HEATR1: variants seen among roughly 807,000 people sequenced by gnomAD.
HEATR1 encodes the protein HEAT repeat containing 1, also known as HEAT repeat-containing protein 1.
Under a neutral mutation model 248.2 loss-of-function variants are expected in HEATR1, and 77 were observed. That is an observed-to-expected ratio of 0.31 (90% CI 0.26 to 0.37). The LOEUF (loss-of-function observed/expected upper bound fraction) is 0.37. HEATR1 is among the 10% of genes least tolerant of loss of function. The probability of loss-of-function intolerance (pLI) is 1.00; values close to 1 mark genes in which losing one functional copy is unlikely to be tolerated. For synonymous variants in HEATR1, 897 were observed against 923.1 expected (o/e 0.97, Z 0.51); for missense variants, 2,420 against 2,504.9 (o/e 0.97, Z 0.72).
At position 236,574,327 on chromosome 1, in the gene HEATR1, T is replaced by G. The variant is rs1040417521; in HGVS notation, c.3334A>C (p.Lys1112Gln). The change falls in exon 24 of 45, where the codon AAA (lysine) becomes CAA (glutamine). Residue 1112 changes from lysine to glutamine, a missense_variant. By Grantham distance (53) the Lys-to-Gln change is moderately conservative (BLOSUM62 1). Transcript: ENST00000366582. ...TCTGATATGGCTGCAAAAAATGGTT[T>G]TGTAATCTAGAGGGGGTAGAAAAAA... The part of the protein sequence containing the change: ...IQITALEKIT[K>Q]PFFAAISDEK... 2 of 1,609,048 alleles carry G rather than the reference T, an allele frequency of 1.2e-6. No homozygotes were observed. The highest frequency in any genetic ancestry group is 1.7e-6 in the Non-Finnish European group (2 of 1,178,588).
chr1:236,575,642 C>A (rs1308170731), intron 22 of HEATR1, among the ~76,000 whole-genome samples: 1 of 152,204 alleles, frequency 6.6e-6, no homozygotes, highest in Non-Finnish European at 1.5e-5. Flanking sequence ...TTTTAGTTCT[C>A]TAAGCCCACA....
intron 12 of HEATR1, among the ~76,000 whole-genome samples, chr1:236,589,601 A>G (rs1000855186): frequency 1.3e-5 from 2 of 152,214 alleles, no homozygotes; most frequent in Non-Finnish European, 2.9e-5. Context: ...GCTGAAATTA[A>G]ATTTTACTGA....
chr1:236,603,397 G>C, intron 2 of HEATR1, 21 bp from the exon 3 acceptor site: 1 of 1,596,816 alleles, frequency 6.3e-7, no homozygotes, highest in South Asian at 1.1e-5. Flanking sequence ...AAAAAGGCCA[G>C]TTTATTTAAC....
chr1:236,595,665 G>A lies in HEATR1; in HGVS notation c.965C>T (p.Pro322Leu). The change falls in exon 8 of 45, where the codon CCT (proline) becomes CTT (leucine). Residue 322 changes from proline (P) to leucine (L), a missense_variant. Physicochemically the swap from Pro to Leu is moderately conservative, Grantham distance 98. Transcript: ENST00000366582. ...AAGATCAGGAACATTACATAAGTGA[G>A]GGAATGGCCTTTGAAGAAGCAAAAG... ...KPESLGKKPF[P>L]HLCNVPDLIT... 1 of 1,611,178 alleles carries A rather than the reference G, an allele frequency of 6.2e-7. No homozygotes were observed. Among genetic ancestry groups the A allele is most frequent in the Non-Finnish European group, 8.5e-7 (1 of 1,178,436 alleles).
intron 19 of HEATR1, among the ~76,000 whole-genome samples, chr1:236,581,939 T>C (rs1663760371): frequency 6.6e-6 from 1 of 152,180 alleles, no homozygotes; most frequent in South Asian, 2.1e-4. Flanking sequence ...GCCTAACATA[T>C]TAGTAGGAGT....
rs768056149 is a variant in HEATR1, at chr1:236,588,070, T to C, written c.1531-27A>G. On this transcript the variant is annotated intron_variant, in intron 12 of 44. Transcript: ENST00000366582. ...TGAGCAATAAAAGAAAAACATTAAT[T>C]TAGCTGTTGCCAAAAATCTCTTAAG... is the stretch of plus-strand genomic sequence containing the variant. 5 of 1,563,290 alleles carry C rather than the reference T, an allele frequency of 3.2e-6. No homozygotes were observed. In the African/African-American group the frequency reaches 5.5e-5, roughly 17 times the overall value.
intron 8 of HEATR1, among the ~76,000 whole-genome samples, 183 bp downstream of exon 8, chr1:236,595,354 AATG>A (rs1349078332): frequency 3.3e-5 from 5 of 152,332 alleles, no homozygotes; most frequent in South Asian, 2.1e-4. Context: ...CTCAATTAAC[AATG>A]ATCTTTCTTC....
rs573895258 is a variant in HEATR1, at chr1:236,557,635, A to C, written c.5205-290T>G. On this transcript the variant is annotated intron_variant, in intron 36 of 44. Transcript: ENST00000366582. ...ACTCCTTGCAAGCACTGCCCTACAG[A>C]AATCCTATGAGGTAGATACTGTCTC... Among the ~76,000 whole-genome samples, 3 of 152,362 alleles carry C rather than the reference A, an allele frequency of 2.0e-5. No individual in the cohort carries two copies. The South Asian group carries it at 6.2e-4, about 32-fold the overall frequency.
intron 23 of HEATR1, 88 bp from the exon 24 acceptor site, chr1:236,574,421 A>G: frequency 6.9e-7 from 1 of 1,444,380 alleles, no homozygotes; most frequent in South Asian, 1.3e-5. Flanking sequence ...CTCAAAATAC[A>G]AAATTGTTTC....
intron 14 of HEATR1, among the ~76,000 whole-genome samples, chr1:236,586,833 T>A (rs1293293733): frequency 1.3e-5 from 2 of 151,080 alleles, no homozygotes; most frequent in Non-Finnish European, 3.0e-5. Flanking sequence ...GGAAATCAGG[T>A]TCACTCAGGC....
At chr1:236,559,991 G>C (rs1663085521) in intron 33 of HEATR1, among the ~76,000 whole-genome samples, 154 bp from the exon 34 acceptor site, 1 of 147,844 alleles carries the variant, frequency 6.8e-6, no homozygotes, top group Middle Eastern at 3.6e-3. Context: ...AAGGAAATGA[G>C]GGATTATTGC....
chr1:236,567,896 C>T (rs1485346813), intron 29 of HEATR1, among the ~76,000 whole-genome samples: 1 of 152,216 alleles, frequency 6.6e-6, no homozygotes, highest in Non-Finnish European at 1.5e-5. Context: ...CCAACAACTT[C>T]CTGCTGCTTT....
At chr1:236,590,706 T>C (rs1664009324) in intron 12 of HEATR1, 141 bp downstream of exon 12, 1 of 402,366 alleles carries the variant, frequency 2.5e-6, no homozygotes, top group Middle Eastern at 6.6e-4. Flanking sequence ...GTCCTAAATA[T>C]TAGTCTAAGG....
In HEATR1 at chr1:236,580,604, C is replaced by T. The variant is rs1663697078; in HGVS notation, c.2755+618G>A. On this transcript the variant is annotated intron_variant, in intron 20 of 44. Coordinates refer to ENST00000366582, the MANE Select transcript of HEATR1 (RefSeq NM_018072.6). Reference sequence around the variant, plus strand: ...CAATCACAGCTCACTGCAGCCTTGACCTCCCAGGCACAAGCCATCTGCCTA... The same window carrying T: ...CAATCACAGCTCACTGCAGCCTTGATCTCCCAGGCACAAGCCATCTGCCTA... Among the ~76,000 whole-genome samples the T allele has an allele frequency of 1.3e-5, 2 of 150,604 alleles. 1 individual carries two copies. The highest frequency in any genetic ancestry group is 4.2e-4 in the South Asian group (2 of 4,762).
intron 1 of HEATR1, 106 bp from the exon 2 acceptor site, chr1:236,604,233 G>T: frequency 1.1e-6 from 1 of 876,274 alleles, no homozygotes; most frequent in Non-Finnish European, 1.6e-6. Flanking sequence ...CACAACGCGG[G>T]TGTCCTGAGA....
chr1:236,570,149 C>T (rs1019280028), intron 28 of HEATR1, among the ~76,000 whole-genome samples: 41 of 152,070 alleles, frequency 2.7e-4, no homozygotes, highest in Non-Finnish European at 2.6e-4. Context: ...ATTAGCCGGG[C>T]GTGGTGGCGG....
rs1318712451 is a variant in HEATR1, at chr1:236,603,508, C to G, written c.143-132G>C. 3 of 670,420 alleles carry G rather than the reference C, an allele frequency of 4.5e-6. No individual in the cohort carries two copies. In the Admixed American group the frequency reaches 8.5e-5, roughly 19 times the overall value. The allele number at this position is 670,420 out of a possible 1,614,324, so 41.5% of individuals were successfully genotyped here. On this transcript the variant is annotated intron_variant, in intron 2 of 44. Coordinates refer to ENST00000366582, the MANE Select transcript of HEATR1 (RefSeq NM_018072.6). ...AGTACATATAATTTATAATACAGTCCCAAACACTGATTTCTAGTTTTCAAC... is the reference window on the plus strand; with the variant it reads ...AGTACATATAATTTATAATACAGTCGCAAACACTGATTTCTAGTTTTCAAC...
At chr1:236,578,992 G>A (rs57026087) in intron 20 of HEATR1, among the ~76,000 whole-genome samples, 3,810 of 152,006 alleles carry the variant, frequency 0.025, 129 homozygotes, top group East Asian at 0.14. Flanking sequence ...AGCAAACTAC[G>A]GTCATTTATA....
At position 236,557,201 on chromosome 1, in the gene HEATR1, G is replaced by A. The variant is rs375496603; in HGVS notation, c.5349C>T (p.Leu1783=). ...HFISPYLEGI[L]SQVIHLEKIT... ...CGTGGCTATCGTGGCTCACCTGGGA[G>A]AGAATGCCTTCCAGATAGGGGCTGA... Residue 1783 remains leucine, a synonymous_variant, in exon 37 of 45, where the codon CTC becomes CTT. Transcript: ENST00000366582. 6.2e-7 allele frequency: 1 copy of A among 1,613,882 alleles called. No individual in the cohort carries two copies. The highest frequency in any genetic ancestry group is 8.5e-7 in the Non-Finnish European group (1 of 1,179,970).
Sources: gnomAD v4.1 joint callset for allele counts (sites outside exome capture counted in the v4.1 genomes callset) on GRCh38, gnomAD v4.1.1 for gene constraint, MANE v1.5 for transcripts, NCBI Gene and HGNC (gene_info 2026-07-23, HGNC 2026-07-21) for gene names.